Variants in GOLIM4 observed in about 807,000 individuals in gnomAD.
The protein encoded by GOLIM4 is golgi integral membrane protein 4.
In GOLIM4, 71 loss-of-function variants were observed where a neutral mutation model predicts 107.4. The ratio of observed to expected loss-of-function variants is 0.66; its 90% CI spans 0.55 to 0.81. The LOEUF is 0.81. Among genes scored for constraint, GOLIM4 ranks in the 30% least tolerant of loss-of-function variants. The probability of loss-of-function intolerance (pLI) is 0.00; values close to 1 mark genes in which losing one functional copy is unlikely to be tolerated. For synonymous variants in GOLIM4, 327 were observed against 294.8 expected (o/e 1.11, Z -1.12); for missense variants, 830 against 826.1 (o/e 1.00, Z -0.06).
At chr3:168,046,248 G>C (rs151159308) in intron 3 of GOLIM4, among the ~76,000 whole-genome samples, 1 of 152,090 alleles carries the variant, frequency 6.6e-6, no homozygotes, top group Non-Finnish European at 1.5e-5. Flanking sequence ...AGTAAGAAAA[G>C]AGTAGCTTTT....
chr3:168,080,208 C>T (rs1032591857), intron 1 of GOLIM4, among the ~76,000 whole-genome samples: 3 of 152,158 alleles, frequency 2.0e-5, no homozygotes, highest in African/African-American at 7.2e-5. Flanking sequence ...CATTAACAAG[C>T]TGGGAGACTT....
At chr3:168,082,352 G>A (rs1295096600) in intron 1 of GOLIM4, among the ~76,000 whole-genome samples, 2 of 152,154 alleles carry the variant, frequency 1.3e-5, no homozygotes, top group African/African-American at 2.4e-5. Context: ...AGACAAAGCC[G>A]ACTTTCTTTA....
intron 1 of GOLIM4, among the ~76,000 whole-genome samples, chr3:168,052,532 A>G (rs554272626): frequency 6.6e-6 from 1 of 152,330 alleles, no homozygotes; most frequent in Non-Finnish European, 1.5e-5. Flanking sequence ...TCCATATGTT[A>G]TTTAAACCCT....
chr3:168,020,198 T>A (rs533595356), intron 14 of GOLIM4, among the ~76,000 whole-genome samples: 2 of 152,248 alleles, frequency 1.3e-5, no homozygotes, highest in East Asian at 3.9e-4. Flanking sequence ...TAGCATTGGG[T>A]GAAAAATCAA....
At chr3:168,042,588 G>A (rs1004893740) in intron 5 of GOLIM4, among the ~76,000 whole-genome samples, 5 of 152,154 alleles carry the variant, frequency 3.3e-5, no homozygotes, top group African/African-American at 7.2e-5. Context: ...GTTGAAATGG[G>A]GAAGACGTGT....
rs945773258 is a variant in GOLIM4, at chr3:168,009,029, T to A, written c.*1240A>T. 1.3e-5 allele frequency: 2 copies of A among 152,072 alleles called. No individual in the cohort carries two copies. Among genetic ancestry groups the A allele is most frequent in the Admixed American group, 6.5e-5 (1 of 15,270 alleles). The allele number at this position is 152,072 out of a possible 1,614,324, so 9.4% of individuals were successfully genotyped here. ...AAATGAAATGTTTTTATTAATTTGA[T>A]TATTAATACAAAACCACACATATAT... is the stretch of plus-strand genomic sequence containing the variant. On this transcript the variant is annotated 3_prime_UTR_variant, in exon 16 of 16. Coordinates refer to ENST00000470487, the MANE Select transcript of GOLIM4 (RefSeq NM_014498.5).
rs116492601 is a variant in GOLIM4 at position 168,052,406 on chromosome 3, T to A, written c.188-4041A>T. Among the ~76,000 whole-genome samples, 1,119 of 151,578 alleles carry A rather than the reference T, an allele frequency of 7.4e-3. 16 individuals are homozygous for A. Among genetic ancestry groups the A allele is most frequent in the African/African-American group, 0.026 (1,060 of 41,152 alleles). On this transcript the variant is annotated intron_variant, in intron 1 of 15. Transcript: ENST00000470487. The stretch of plus-strand genomic sequence containing the variant: ...CACTCTCTCACACACACACTCTCTC[T>A]CACACACACAGATGTATACACACAC...
Position 168,095,618 on chromosome 3 carries a change from T to G in GOLIM4, c.-333A>C. Reference sequence around the variant, plus strand: ...AGATGCCTCCTGCCTTTTTTCCTTCTTCCCACTTTTTGGCCCCGCTGCCCC... The same window carrying G: ...AGATGCCTCCTGCCTTTTTTCCTTCGTCCCACTTTTTGGCCCCGCTGCCCC... On this transcript the variant is annotated 5_prime_UTR_variant, in exon 1 of 16. Coordinates refer to ENST00000470487, the MANE Select transcript of GOLIM4 (RefSeq NM_014498.5). The G allele has an allele frequency of 3.1e-5, 8 of 257,346 alleles. No homozygotes were observed. Among genetic ancestry groups the G allele is most frequent in the South Asian group, 5.1e-5 (1 of 19,784 alleles). 15.9% of individuals were successfully genotyped at this position (257,346 alleles called of 1,614,324 possible).
intron 1 of GOLIM4, among the ~76,000 whole-genome samples, chr3:168,063,192 C>A (rs1286767718): frequency 6.6e-6 from 1 of 152,070 alleles, no homozygotes; most frequent in Non-Finnish European, 1.5e-5. Flanking sequence ...ACATTTGCCA[C>A]TGAGGAAACT....
chr3:168,084,208 GC>G (rs1174744783), intron 1 of GOLIM4, among the ~76,000 whole-genome samples: 2 of 152,114 alleles, frequency 1.3e-5, no homozygotes, highest in African/African-American at 4.8e-5. Flanking sequence ...AGTAAGACAT[GC>G]TTGCTTCCCC....
intron 8 of GOLIM4, among the ~76,000 whole-genome samples, chr3:168,033,606 CAAAAAAAAAAAAAAAAAAAAAAA>C (rs61728774): frequency 3.5e-4 from 11 of 31,308 alleles, no homozygotes; most frequent in African/African-American, 8.2e-4. Context: ...GACTCCGTCT[CAAAAAAAAAAAAAAAAAAAAAAA>C]AAAAAAAAAA....
intron 1 of GOLIM4, among the ~76,000 whole-genome samples, chr3:168,063,490 T>C (rs950803660): frequency 6.6e-6 from 1 of 151,974 alleles, no homozygotes; most frequent in Non-Finnish European, 1.5e-5. Context: ...CTACAGAAAA[T>C]GAATATTTTC....
At chr3:168,057,337 A>C (rs998723140) in intron 1 of GOLIM4, among the ~76,000 whole-genome samples, 1 of 152,178 alleles carries the variant, frequency 6.6e-6, no homozygotes, top group Non-Finnish European at 1.5e-5. Context: ...TGGTACACTG[A>C]ATTGTAGTCA....
intron 1 of GOLIM4, among the ~76,000 whole-genome samples, chr3:168,091,506 C>T (rs1294988028): frequency 6.6e-6 from 1 of 152,196 alleles, no homozygotes; most frequent in Non-Finnish European, 1.5e-5. Flanking sequence ...GATTAAAGTA[C>T]ACTGGATGTT....
rs537690278 is a variant in GOLIM4, at chr3:168,047,015, T to C, written c.263-16A>G. 2.4e-5 allele frequency: 28 copies of C among 1,182,344 alleles called. No individual in the cohort carries two copies. In the South Asian group the frequency reaches 2.4e-4, roughly 10 times the overall value. 73.2% of individuals were successfully genotyped at this position (1,182,344 alleles called of 1,614,324 possible). A position where few individuals can be genotyped will look rare whatever the true frequency, so the allele number is the denominator to read the frequency against. On this transcript the variant is annotated splice_polypyrimidine_tract_variant and intron_variant, in intron 2 of 15. Transcript: ENST00000470487. ...ACAAGAAAATCTAGAAAATACAAGATGGAAAAAAACAGTGATAATTCACTA... is the reference window on the plus strand; with the variant it reads ...ACAAGAAAATCTAGAAAATACAAGACGGAAAAAAACAGTGATAATTCACTA...
intron 14 of GOLIM4, among the ~76,000 whole-genome samples, chr3:168,011,369 C>T (rs1208507760): frequency 6.6e-6 from 1 of 152,236 alleles, no homozygotes; most frequent in Non-Finnish European, 1.5e-5. Flanking sequence ...GAGATTATAT[C>T]CCGCACCTGG....
chr3:168,020,043 T>G (rs750465718), intron 14 of GOLIM4, among the ~76,000 whole-genome samples: 5 of 152,222 alleles, frequency 3.3e-5, no homozygotes, highest in Non-Finnish European at 5.9e-5. Flanking sequence ...ATATAGTTAC[T>G]GTGCATGGTA....
intron 14 of GOLIM4, among the ~76,000 whole-genome samples, chr3:168,013,654 A>T (rs2108206872): frequency 6.6e-6 from 1 of 151,726 alleles, no homozygotes; most frequent in South Asian, 2.1e-4. Flanking sequence ...AGCTCTCCTC[A>T]GCAAATGTAA....
At chr3:168,070,368 G>C (rs184385312) in intron 1 of GOLIM4, among the ~76,000 whole-genome samples, 129 of 152,316 alleles carry the variant, frequency 8.5e-4, no homozygotes, top group African/African-American at 3.0e-3. Context: ...ACTCCAGCCT[G>C]GGCAACAGAG....
Sources: gnomAD v4.1 joint callset for allele counts (sites outside exome capture counted in the v4.1 genomes callset) on GRCh38, gnomAD v4.1.1 for gene constraint, MANE v1.5 for transcripts, NCBI Gene and HGNC (gene_info 2026-07-23, HGNC 2026-07-21) for gene names.